Variants in PEG3 observed in about 807,000 individuals in gnomAD.
The protein encoded by PEG3 is paternally expressed 3, also known as paternally-expressed gene 3 protein.
In PEG3, 23 loss-of-function variants were observed where a neutral mutation model predicts 35.5. That is an observed-to-expected ratio of 0.65 (90% confidence interval 0.47 to 0.92). The LOEUF is 0.92. Among genes scored for constraint, PEG3 ranks in the 40% least tolerant of loss-of-function variants. PEG3 has a pLI of 0.00. For synonymous variants in PEG3, 707 were observed against 697.0 expected, an observed-to-expected ratio of 1.01 and a Z score of -0.23; for missense variants, 1,960 against 1,985.3, an observed-to-expected ratio of 0.99 and a Z score of 0.24.
At chr19:56,835,149 T>A (rs1329705892) in intron 2 of PEG3, among the ~76,000 whole-genome samples, 1 of 152,086 alleles carries the variant, frequency 6.6e-6, no homozygotes. Flanking sequence ...CAGGCCCAAG[T>A]TGGTCTCCCC....
chr19:56,834,834 G>A (rs907467180), intron 2 of PEG3, among the ~76,000 whole-genome samples: 2 of 152,108 alleles, frequency 1.3e-5, no homozygotes, highest in African/African-American at 2.4e-5. Flanking sequence ...CTTGTGATGG[G>A]AGTTTCCATT....
chr19:56,835,807 G>A (rs1310308161), intron 2 of PEG3, among the ~76,000 whole-genome samples: 1 of 152,224 alleles, frequency 6.6e-6, no homozygotes, highest in East Asian at 1.9e-4. Context: ...ATGAGAAAAA[G>A]AGGGAGGATA....
intron 2 of PEG3, among the ~76,000 whole-genome samples, chr19:56,834,419 C>T (rs1324849394): frequency 6.6e-6 from 1 of 152,182 alleles, no homozygotes; most frequent in African/African-American, 2.4e-5. Flanking sequence ...CCGTACTCAC[C>T]AAGCAACCTT....
intron 1 of PEG3, among the ~76,000 whole-genome samples, chr19:56,839,500 C>T (rs1486987725): frequency 6.6e-6 from 1 of 151,860 alleles, no homozygotes; most frequent in Non-Finnish European, 1.5e-5. Context: ...CACCAACCAA[C>T]CAGGGGAGCA....
intron 2 of PEG3, among the ~76,000 whole-genome samples, chr19:56,828,391 T>A (rs1321039493): frequency 6.6e-6 from 1 of 152,170 alleles, no homozygotes; most frequent in Non-Finnish European, 1.5e-5. Flanking sequence ...CCATCCCCTA[T>A]CTTGGCAATT....
rs767858303 is a variant in PEG3, at chr19:56,815,438, A to G, written c.3004T>C (p.Tyr1002His). ...DREKPSGSRN[Y>H]EWSVIRSLAP... ...AAGCTGCGAATGACAGACCATTCAT[A>G]GTTTCTGCTTCCAGAGGGCTTCTCC... The change falls in exon 10 of 10, where the codon TAT becomes CAT. Residue 1002 changes from tyrosine (Y) to histidine (H), a missense_variant. Physicochemically the swap from Tyr to His is moderately conservative, Grantham distance 83 (BLOSUM62 2). Coordinates refer to ENST00000326441, the MANE Select transcript of PEG3 (RefSeq NM_006210.3). 2 of 1,613,970 alleles carry G rather than the reference A, an allele frequency of 1.2e-6. No homozygotes were observed. The highest frequency in any genetic ancestry group is 2.7e-5 in the African/African-American group (2 of 74,910).
At chr19:56,834,799 T>C (rs115168705) in intron 2 of PEG3, among the ~76,000 whole-genome samples, 1 of 152,248 alleles carries the variant, frequency 6.6e-6, no homozygotes, top group African/African-American at 2.4e-5. Flanking sequence ...TAGCCACCTA[T>C]CTTGGTAAAC....
intron 1 of PEG3, among the ~76,000 whole-genome samples, chr19:56,836,442 C>T (rs1434199752): frequency 1.3e-5 from 2 of 152,120 alleles, no homozygotes; most frequent in Non-Finnish European, 2.9e-5. Flanking sequence ...ATGTTAGGAC[C>T]GCTATCCTAT....
At chr19:56,827,883 G>A (rs1169332827) in intron 2 of PEG3, among the ~76,000 whole-genome samples, 1 of 152,180 alleles carries the variant, frequency 6.6e-6, no homozygotes, top group Non-Finnish European at 1.5e-5. Context: ...TTTCTAGAAG[G>A]ATATATAAGA....
Position 56,814,306 on chromosome 19 carries a change from T to G in PEG3, c.4136A>C (p.His1379Pro), listed in dbSNP as rs1323966447. The G allele has an allele frequency of 9.9e-6, 16 of 1,614,040 alleles. No homozygotes were observed. The highest frequency in any genetic ancestry group is 1.7e-6 in the Non-Finnish European group (2 of 1,180,046). The change falls in exon 10 of 10, where the codon CAT becomes CCT. Residue 1379 changes from histidine to proline, a missense_variant. His to Pro is a moderately conservative substitution (Grantham distance 77). Transcript: ENST00000326441. The surrounding 1 kb of genome is among the most constrained non-coding windows in gnomAD (Gnocchi z 5.8). ...AAAQEVEANV[H>P]VPQVVLRIQG... ...AATCCTCAGAACTACTTGTGGAACA[T>G]GGACATTGGCTTCAACTTCCTGGGC...
In PEG3 at chr19:56,814,956, C is replaced by A; in HGVS notation, c.3486G>T (p.Leu1162=). Residue 1162 remains leucine (L), a synonymous_variant, in exon 10 of 10, where the codon CTG becomes CTT. Coordinates refer to ENST00000326441, the MANE Select transcript of PEG3 (RefSeq NM_006210.3). The surrounding 1 kb of genome is among the most constrained non-coding windows in gnomAD (Gnocchi z 5.8). The part of the protein sequence containing the change: ...EYQRDYTGEQ[L]YECPKCGESF... ...ATTCCCCACACTTTGGACATTCATA[C>A]AGCTGCTCTCCAGTGTAATCTCTCT... 6.2e-7 allele frequency: 1 copy of A among 1,614,106 alleles called. No individual in the cohort carries two copies. The highest frequency in any genetic ancestry group is 8.5e-7 in the Non-Finnish European group (1 of 1,179,980).
At position 56,824,264 on chromosome 19, in the gene PEG3, T is replaced by C. The variant is rs763408719; in HGVS notation, c.392A>G (p.Glu131Gly). 13 of 1,611,524 alleles carry C rather than the reference T, an allele frequency of 8.1e-6. No homozygotes were observed. Among genetic ancestry groups the C allele is most frequent in the Non-Finnish European group, 1.0e-5 (12 of 1,179,502 alleles). ...LENYKEMYQP[E>G]DDNNSDVTSD... ...CAACACCCCGTGGAGACTCTCACCT[T>C]CTGGTTGGTACATCTCCTTGTAATT... is the stretch of plus-strand genomic sequence containing the variant. The change falls in exon 4 of 10, where the codon GAA becomes GGA. Residue 131 changes from glutamate (E) to glycine (G), a missense_variant and splice_region_variant. By Grantham distance (98) the Glu-to-Gly change is moderately conservative. Around this residue, in one of 5 missense-constraint regions of PEG3, gnomAD observed 613 missense variants for 577.1 expected, o/e 1.06. Coordinates refer to ENST00000326441, the MANE Select transcript of PEG3 (RefSeq NM_006210.3).
At chr19:56,826,363 A>G (rs2061034569) in intron 3 of PEG3, 25 bp downstream of exon 3, 1 of 152,222 alleles carries the variant, frequency 6.6e-6, no homozygotes, top group South Asian at 2.1e-4. Flanking sequence ...CTCAGGCAAC[A>G]AGATACCCTC....
chr19:56,821,382 AG>A (rs993942533), intron 7 of PEG3, among the ~76,000 whole-genome samples: 1 of 152,156 alleles, frequency 6.6e-6, no homozygotes, highest in Non-Finnish European at 1.5e-5. Flanking sequence ...CTGGCCCTGT[AG>A]GGAACGGCCA....
In PEG3 at chr19:56,812,219, C is replaced by T. The variant is rs723084; in HGVS notation, c.*1456G>A. On this transcript the variant is annotated 3_prime_UTR_variant, in exon 10 of 10. Transcript: ENST00000326441. ...TGCGAGGGGAGGGGAAGCAAAGGAGCACAGGTAGTCCACAGAATAGGACAC... is the reference window on the plus strand; with the variant it reads ...TGCGAGGGGAGGGGAAGCAAAGGAGTACAGGTAGTCCACAGAATAGGACAC... The T allele has an allele frequency of 1.0e-6, 1 of 981,632 alleles. No individual in the cohort carries two copies. The highest frequency in any genetic ancestry group is 1.2e-6 in the Non-Finnish European group (1 of 827,022). The allele number at this position is 981,632 out of a possible 1,614,324, so 60.8% of individuals were successfully genotyped here.
chr19:56,815,977 C>T lies in PEG3; in HGVS notation c.2465G>A (p.Gly822Glu). The part of the protein sequence containing the change: ...AINHQRVRAG[G>E]NTSEGREYSR... Reference sequence around the variant, plus strand: ...GTATTCCCTTCCTTCAGAGGTGTTCCCTCCAGCACGAACTCTCTGATGGTT... The same window carrying T: ...GTATTCCCTTCCTTCAGAGGTGTTCTCTCCAGCACGAACTCTCTGATGGTT... The change falls in exon 10 of 10, where the codon GGG becomes GAG. Residue 822 changes from glycine (G) to glutamate (E), a missense_variant. Physicochemically the swap from Gly to Glu is moderately conservative, Grantham distance 98 (BLOSUM62 -2). Around this residue, in one of 5 missense-constraint regions of PEG3, gnomAD observed 798 missense variants for 782.4 expected, o/e 1.02. Transcript: ENST00000326441. The T allele has an allele frequency of 1.3e-6, 2 of 1,583,614 alleles. No individual in the cohort carries two copies. Among genetic ancestry groups the T allele is most frequent in the South Asian group, 2.3e-5 (2 of 85,566 alleles).
In PEG3 at chr19:56,824,363, A is replaced by T. The variant is rs1393216385; in HGVS notation, c.293T>A (p.Ile98Asn). The change falls in exon 4 of 10, where the codon ATC becomes AAC. Residue 98 changes from isoleucine to asparagine, a missense_variant. Transcript: ENST00000326441. ...LLVLEQYLTI[I>N]PEKLKPWVRA... ...CACCCAAGGCTTGAGCTTTTCAGGG[A>T]TGATGGTCAGGTACTGCTCAAGGAC... The T allele has an allele frequency of 4.3e-6, 7 of 1,614,064 alleles. No homozygotes were observed. The highest frequency in any genetic ancestry group is 5.9e-6 in the Non-Finnish European group (7 of 1,180,016).
intron 2 of PEG3, chr19:56,833,828 G>A (rs2061815077): frequency 6.5e-6 from 1 of 152,752 alleles, no homozygotes; most frequent in Non-Finnish European, 1.5e-5. Flanking sequence ...GGAGCAAGGA[G>A]TAAATGACCA....
chr19:56,825,800 A>T (rs2060967700), intron 3 of PEG3, among the ~76,000 whole-genome samples: 1 of 152,236 alleles, frequency 6.6e-6, no homozygotes. Context: ...AAGGAAAGCA[A>T]GTTTAAATTT....
Sources: gnomAD v4.1 joint callset for allele counts (sites outside exome capture counted in the v4.1 genomes callset) on GRCh38, gnomAD v4.1.1 for gene constraint, gnomAD v4.1.1 regional missense constraint, Gnocchi (gnomAD v3.1) non-coding constraint, MANE v1.5 for transcripts, NCBI Gene and HGNC (gene_info 2026-07-23, HGNC 2026-07-21) for gene names.